Variants in APTX observed in about 807,000 individuals in gnomAD.
APTX encodes the protein forkhead-associated domain histidine triad-like protein.
In APTX, 33 loss-of-function variants were observed where a neutral mutation model predicts 42.3. The ratio of observed to expected loss-of-function variants is 0.78; its 90% CI spans 0.59 to 1.04. The LOEUF is 1.04. Ranked by LOEUF, APTX falls within the 50% of genes least tolerant of loss-of-function variation. The pLI is 0.00. For synonymous variants in APTX, 130 were observed against 146.7 expected (o/e 0.89, Z 0.82); for missense variants, 421 against 415.1 (o/e 1.01, Z -0.12).
At chr9:33,016,353 ATTCAT>A (rs1837898641) in intron 1 of APTX, 1 of 152,214 alleles carries the variant, frequency 6.6e-6, no homozygotes, top group Non-Finnish European at 1.5e-5. Flanking sequence ...CCATGTAAAA[ATTCAT>A]TTCAACAAAC....
chr9:33,012,826 TC>T (rs1387519802), intron 1 of APTX, among the ~76,000 whole-genome samples: 1 of 152,088 alleles, frequency 6.6e-6, no homozygotes. Context: ...ACCAGAACAC[TC>T]CCTTTTAGAA....
intron 1 of APTX, among the ~76,000 whole-genome samples, chr9:33,022,369 T>C (rs1275708812): frequency 1.3e-5 from 2 of 152,224 alleles, no homozygotes; most frequent in African/African-American, 2.4e-5. Context: ...TCACTTTTTA[T>C]CTCCAAGCTT....
chr9:32,986,352 C>T (rs1020458872), intron 4 of APTX, among the ~76,000 whole-genome samples: 17 of 152,070 alleles, frequency 1.1e-4, no homozygotes, highest in Non-Finnish European at 2.1e-4. Flanking sequence ...CCCACCACCA[C>T]GCCCAGCTAA....
chr9:32,999,861 G>C (rs566300205), intron 1 of APTX, among the ~76,000 whole-genome samples: 3 of 152,210 alleles, frequency 2.0e-5, no homozygotes, highest in Admixed American at 6.5e-5. Context: ...CTGTAGTCCT[G>C]AGCCAGGAGA....
At chr9:33,014,623 G>T (rs1473530667) in intron 1 of APTX, among the ~76,000 whole-genome samples, 1 of 152,174 alleles carries the variant, frequency 6.6e-6, no homozygotes, top group Non-Finnish European at 1.5e-5. Flanking sequence ...CCTTAAACTG[G>T]GTCTTGTCCG....
At position 32,999,909 on chromosome 9, in the gene APTX, G is replaced by A. The variant is rs546986933; in HGVS notation, c.-5+1658C>T. ...CGGGAGGCGGAGCTTGCAGTGAGCC[G>A]AGATCGCGCCACTGCACTCCAGCCT... is the stretch of plus-strand genomic sequence containing the variant. On this transcript the variant is annotated intron_variant, in intron 1 of 7. Coordinates refer to ENST00000379817, the MANE Select transcript of APTX (RefSeq NM_001195248.2). Among the ~76,000 whole-genome samples, 5 of 152,268 alleles carry A rather than the reference G, an allele frequency of 3.3e-5. No homozygotes were observed. In the South Asian group the frequency reaches 6.2e-4, roughly 19 times the overall value.
intron 1 of APTX, chr9:33,024,705 T>G (rs13297508): frequency 0.033 from 5,066 of 152,194 alleles, 113 homozygotes; most frequent in Non-Finnish European, 0.05. Flanking sequence ...ACAAAAAGCC[T>G]TAACAACTTC....
intron 4 of APTX, 57 bp downstream of exon 4, chr9:32,987,487 A>C: frequency 6.2e-7 from 1 of 1,601,054 alleles, no homozygotes; most frequent in Non-Finnish European, 8.5e-7. Flanking sequence ...AAAACAATTA[A>C]GCAGTCATTA....
intron 6 of APTX, among the ~76,000 whole-genome samples, chr9:32,982,898 A>G (rs1163659571): frequency 6.6e-6 from 1 of 152,140 alleles, no homozygotes; most frequent in Non-Finnish European, 1.5e-5. Flanking sequence ...TACAACATAC[A>G]TCCACCCTAT....
intron 1 of APTX, among the ~76,000 whole-genome samples, chr9:32,995,576 G>C (rs766140755): frequency 6.6e-6 from 1 of 152,186 alleles, no homozygotes; most frequent in Non-Finnish European, 1.5e-5. Context: ...TGATGAAGAT[G>C]TAATGAACAT....
At chr9:33,005,246 T>G (rs929164298), upstream of APTX, among the ~76,000 whole-genome samples, 1 of 152,152 alleles carries the variant, frequency 6.6e-6, no homozygotes, top group African/African-American at 2.4e-5. Context: ...GCACAAAACT[T>G]AATTGTGAAG....
chr9:32,990,424 C>A (rs1367214844), intron 1 of APTX, among the ~76,000 whole-genome samples: 1 of 152,146 alleles, frequency 6.6e-6, no homozygotes, highest in Non-Finnish European at 1.5e-5. Flanking sequence ...CCACCCGCCT[C>A]TGCCTCCCAA....
At chr9:32,977,216 T>C (rs747819799) in intron 6 of APTX, among the ~76,000 whole-genome samples, 1 of 152,246 alleles carries the variant, frequency 6.6e-6, no homozygotes, top group Non-Finnish European at 1.5e-5. Context: ...CCCAAGCACG[T>C]GGCTCATACC....
chr9:32,985,933 A>T (rs1410121245), intron 5 of APTX, 38 bp downstream of exon 5: 1 of 1,580,330 alleles, frequency 6.3e-7, no homozygotes, highest in East Asian at 2.2e-5. Flanking sequence ...GTCATTTACA[A>T]CATGAAATGT....
At chr9:33,023,726 A>T (rs1395204983) in intron 1 of APTX, among the ~76,000 whole-genome samples, 1 of 152,284 alleles carries the variant, frequency 6.6e-6, no homozygotes, top group African/African-American at 2.4e-5. Context: ...AACTGCGGAT[A>T]GTTCTGTGAC....
chr9:32,973,441 G>A lies in APTX; in HGVS notation c.*57C>T, dbSNP rs921136179. ...GAAGTTCACAAGCAACCCAGAATAGGTGCCAGCAGTTTGCTCCAGTGGGCC... is the reference window on the plus strand; with the variant it reads ...GAAGTTCACAAGCAACCCAGAATAGATGCCAGCAGTTTGCTCCAGTGGGCC... On this transcript the variant is annotated 3_prime_UTR_variant, in exon 8 of 8. Transcript: ENST00000379817. The A allele has an allele frequency of 2.5e-6, 4 of 1,584,426 alleles. No homozygotes were observed. Among genetic ancestry groups the A allele is most frequent in the South Asian group, 2.2e-5 (2 of 89,982 alleles).
chr9:32,994,243 G>C (rs1049817868), intron 1 of APTX, among the ~76,000 whole-genome samples: 2 of 152,218 alleles, frequency 1.3e-5, no homozygotes, highest in African/African-American at 4.8e-5. Context: ...AATGTAGCTA[G>C]TACAACAGAG....
At chr9:33,022,031 A>G (rs920676512) in intron 1 of APTX, among the ~76,000 whole-genome samples, 10 of 151,996 alleles carry the variant, frequency 6.6e-5, no homozygotes, top group African/African-American at 2.4e-4. Flanking sequence ...CAACAGATTT[A>G]TATTTATAAT....
chr9:33,003,078 G>T (rs926618401), upstream of APTX, among the ~76,000 whole-genome samples: 2 of 152,224 alleles, frequency 1.3e-5, no homozygotes, highest in African/African-American at 2.4e-5. Context: ...CTGGTGACCT[G>T]ACCAGTTTTG....
Sources: gnomAD v4.1 joint callset for allele counts (sites outside exome capture counted in the v4.1 genomes callset) on GRCh38, gnomAD v4.1.1 for gene constraint, MANE v1.5 for transcripts, NCBI Gene and HGNC (gene_info 2026-07-23, HGNC 2026-07-21) for gene names.